SPG7: variants seen among roughly 807,000 people sequenced by gnomAD.
The protein encoded by SPG7 is mitochondrial inner membrane m-AAA protease component paraplegin.
In SPG7, 103 loss-of-function variants were observed where a neutral mutation model predicts 81.9. The ratio of observed to expected loss-of-function variants is 1.26; its 90% CI spans 1.07 to 1.48. The LOEUF (loss-of-function observed/expected upper bound fraction) is 1.48. Ranked by LOEUF, SPG7 falls within the 40% of genes most tolerant of loss-of-function variation. The probability of loss-of-function intolerance (pLI) is 0.00; values close to 1 mark genes in which losing one functional copy is unlikely to be tolerated. For synonymous variants in SPG7, 534 were observed against 444.2 expected, an observed-to-expected ratio of 1.20 and a Z score of -2.54; for missense variants, 1,241 against 1,087.3, an observed-to-expected ratio of 1.14 and a Z score of -1.99.
chr16:89,549,999 A>T lies in SPG7; in HGVS notation c.1664-495A>T, dbSNP rs373754050. 15 of 218,574 alleles carry T rather than the reference A, an allele frequency of 6.9e-5. 2 individuals carry two copies. The East Asian group carries it at 1.4e-3, about 21-fold the overall frequency. 13.5% of individuals were successfully genotyped at this position (218,574 alleles called of 1,614,324 possible). ...AACATTTATAAAAGAAGAAATCACG[A>T]CCTCCTTCAACAGCCCTTTGACCTG... On this transcript the variant is annotated intron_variant, in intron 12 of 16. Transcript: ENST00000645818.
intron 12 of SPG7, 21 bp downstream of exon 12, chr16:89,548,134 G>A (rs746565337): frequency 1.4e-5 from 22 of 1,530,522 alleles, no homozygotes; most frequent in African/African-American, 1.1e-4. Context: ...CGCGCCCTGG[G>A]TGAAGGCCCT....
At chr16:89,553,218 G>C (rs570838213) in intron 14 of SPG7, 83 bp downstream of exon 14, 4 of 1,305,160 alleles carry the variant, frequency 3.1e-6, no homozygotes, top group Admixed American at 3.9e-5. Context: ...ATGCCATGGG[G>C]TGAATCTGGT....
Position 89,530,786 on chromosome 16 carries a change from G to T in SPG7, c.965G>T (p.Arg322Leu). 6.2e-7 allele frequency: 1 copy of T among 1,614,150 alleles called. No homozygotes were observed. Among genetic ancestry groups the T allele is most frequent in the Non-Finnish European group, 8.5e-7 (1 of 1,180,024 alleles). ...ATGCACGAAGCCAAACTGGAAGTCC[G>T]CGAGTTTGTGGATTATCTGAAGGTG... is the stretch of plus-strand genomic sequence containing the variant. ...AGMHEAKLEVREFVDYLKSPE... is the reference protein window; with the variant it reads ...AGMHEAKLEVLEFVDYLKSPE... Residue 322 changes from arginine to leucine, a missense_variant, in exon 7 of 17, where the codon CGC becomes CTC. By Grantham distance (102) the Arg-to-Leu change is moderately radical. Transcript: ENST00000645818.
chr16:89,550,426 G>T, intron 12 of SPG7, 68 bp from the exon 13 acceptor site: 1 of 1,105,540 alleles, frequency 9.0e-7, no homozygotes, highest in Non-Finnish European at 1.4e-6. Context: ...GCCCGCCTTG[G>T]CCTCCCACAG....
At chr16:89,511,982 G>A (rs535753926) in intron 2 of SPG7, among the ~76,000 whole-genome samples, 34 of 151,942 alleles carry the variant, frequency 2.2e-4, no homozygotes, top group African/African-American at 7.5e-4. Context: ...CGCGATCTCC[G>A]CTCACTGCAA....
At chr16:89,542,212 A>G (rs1315198928) in intron 9 of SPG7, 2 of 152,166 alleles carry the variant, frequency 1.3e-5, no homozygotes, top group African/African-American at 2.4e-5. Flanking sequence ...CACTGTTTAT[A>G]CAATCTTTCA....
chr16:89,545,190 G>A (rs564074988), intron 10 of SPG7: 1 of 345,414 alleles, frequency 2.9e-6, no homozygotes, highest in East Asian at 7.6e-5. Context: ...CGTGGGCTCT[G>A]GGGACGTGGA....
At chr16:89,553,595 C>T (rs2058658378) in intron 14 of SPG7, 199 bp from the exon 15 acceptor site, 1 of 601,048 alleles carries the variant, frequency 1.7e-6, no homozygotes, top group Non-Finnish European at 2.9e-6. Flanking sequence ...AATAAAAGAG[C>T]ATTTCGGAAA....
chr16:89,545,532 TGCTTCTCCAGGGGACATG>T (rs1047945108), intron 10 of SPG7: 14 of 198,168 alleles, frequency 7.1e-5, no homozygotes, highest in South Asian at 3.0e-4. Flanking sequence ...CAGGGGACAC[TGCTTCTCCAGGGGACATG>T]GCTTCTCCAG....
At position 89,532,072 on chromosome 16, in the gene SPG7, TGCTGTGGTTGGGG is replaced by T. The variant is rs750086015; in HGVS notation, c.1150+14_1150+26del. The T allele has an allele frequency of 1.9e-6, 3 of 1,611,416 alleles. No homozygotes were observed. Among genetic ancestry groups the T allele is most frequent in the African/African-American group, 1.3e-5 (1 of 74,938 alleles). On this transcript the variant is annotated splice_region_variant and intron_variant, in intron 8 of 16. Transcript: ENST00000645818. ...GTTCGTGGAGGTCATTGGAGGTAGGTGCTGTGGTTGGGGGCTGTGGGTGGGCTTGGCTGACTAC... is the reference window on the plus strand; with the variant it reads ...GTTCGTGGAGGTCATTGGAGGTAGGTGCTGTGGGTGGGCTTGGCTGACTAC...
chr16:89,535,098 A>C (rs1468741109), intron 9 of SPG7, among the ~76,000 whole-genome samples: 1 of 152,178 alleles, frequency 6.6e-6, no homozygotes. Flanking sequence ...CATCTCTGGA[A>C]CTGTGACATG....
rs1187720253 is a variant in SPG7 at position 89,546,505 on chromosome 16, C to G, written c.1450-153C>G. 5.6e-6 allele frequency: 4 copies of G among 708,720 alleles called. No homozygotes were observed. The East Asian group carries it at 1.1e-4, about 19-fold the overall frequency. 43.9% of individuals were successfully genotyped at this position (708,720 alleles called of 1,614,324 possible). ...CCAGCCTAGCCAACTTTGCGAAACCCCGTCTCTACTAAAAATACAAAACTC... is the reference window on the plus strand; with the variant it reads ...CCAGCCTAGCCAACTTTGCGAAACCGCGTCTCTACTAAAAATACAAAACTC... On this transcript the variant is annotated intron_variant, in intron 10 of 16. Transcript: ENST00000645818.
chr16:89,533,614 T>C (rs959894422), intron 9 of SPG7: 1 of 152,208 alleles, frequency 6.6e-6, no homozygotes, highest in Non-Finnish European at 1.5e-5. Flanking sequence ...CTGTGCCCCC[T>C]GGAGAGGGTG....
At chr16:89,511,180 T>G (rs953832043) in intron 2 of SPG7, among the ~76,000 whole-genome samples, 1 of 152,208 alleles carries the variant, frequency 6.6e-6, no homozygotes, top group African/African-American at 2.4e-5. Flanking sequence ...ATTCCAGTAA[T>G]TGGGCTGCTT....
intron 16 of SPG7, chr16:89,555,687 G>C (rs1412093345): frequency 2.5e-6 from 1 of 395,344 alleles, no homozygotes; most frequent in Non-Finnish European, 4.5e-6. Context: ...TTTGTAGGAC[G>C]TTCCTCAGTT....
intron 9 of SPG7, 154 bp downstream of exon 9, chr16:89,532,790 A>G (rs1034065515): frequency 5.3e-6 from 5 of 938,240 alleles, no homozygotes; most frequent in African/African-American, 3.3e-5. Context: ...AAAAATAGAA[A>G]TGTAGCTTTC....
chr16:89,516,921 A>AT (rs1194280712), intron 3 of SPG7: 1 of 152,174 alleles, frequency 6.6e-6, no homozygotes, highest in African/African-American at 2.4e-5. Context: ...TCAAAAAAAA[A>AT]GAAAAAAGAA....
rs182818249 is a variant in SPG7 at position 89,530,366 on chromosome 16, G to A, written c.862-317G>A. 458 of 401,994 alleles carry A rather than the reference G, an allele frequency of 1.1e-3. 7 individuals carry two copies. Among genetic ancestry groups the A allele is most frequent in the South Asian group, 8.1e-3 (376 of 46,574 alleles). The allele number at this position is 401,994 out of a possible 1,614,324, so 24.9% of individuals were successfully genotyped here. On this transcript the variant is annotated intron_variant, in intron 6 of 16. Coordinates refer to ENST00000645818, the MANE Select transcript of SPG7 (RefSeq NM_003119.4). ...TCACCGTGTTAGCCAGGGTGGTCTC[G>A]ATCTCTTGACCTCGTGATCCGCCCA...
Position 89,524,031 on chromosome 16 carries a change from C to T in SPG7, c.402C>T (p.Asp134=), listed in dbSNP as rs910197516. Residue 134 remains aspartate (D), a synonymous_variant, in exon 4 of 17, where the codon GAC becomes GAT. Transcript: ENST00000645818. ...DEEERRRRER[D]DQMYRERLRT... is the part of the protein sequence containing the mutation. The stretch of plus-strand genomic sequence containing the variant: ...AGGAGAGGAGACGCCGTGAGCGGGA[C>T]GACCAGATGTACCGAGAGCGGCTGC... The T allele has an allele frequency of 1.3e-5, 21 of 1,613,068 alleles. No individual in the cohort carries two copies. Among genetic ancestry groups the T allele is most frequent in the Middle Eastern group, 1.6e-4 (1 of 6,084 alleles).
Sources: allele counts gnomAD v4.1 joint callset (sites outside exome capture counted in the v4.1 genomes callset), GRCh38; gene constraint gnomAD v4.1.1; transcripts MANE v1.5; gene names NCBI Gene and HGNC (gene_info 2026-07-23, HGNC 2026-07-21).